KCNH1: variants seen among roughly 807,000 people sequenced by gnomAD.
KCNH1 encodes potassium voltage-gated channel subfamily H member 1.
KCNH1 carries 27 observed loss-of-function variants against 69.2 expected under a neutral mutation model. The ratio of observed to expected loss-of-function variants is 0.39; its 90% confidence interval spans 0.29 to 0.54. The LOEUF (loss-of-function observed/expected upper bound fraction) is 0.54. KCNH1 is among the 20% of genes least tolerant of loss of function. The probability of loss-of-function intolerance (pLI) is 0.68; values close to 1 mark genes in which losing one functional copy is unlikely to be tolerated. For synonymous variants in KCNH1, 456 were observed against 487.7 expected, an observed-to-expected ratio of 0.93 and a Z score of 0.86; for missense variants, 798 against 1,261.6, an observed-to-expected ratio of 0.63 and a Z score of 5.57.
intron 3 of KCNH1, among the ~76,000 whole-genome samples, chr1:211,093,017 T>C (rs896122567): frequency 1.3e-5 from 2 of 151,988 alleles, no homozygotes; most frequent in African/African-American, 4.8e-5. Context: ...ACTAATTTGA[T>C]CAATTAGTAA....
chr1:211,102,465 G>A (rs1691275256), intron 3 of KCNH1, among the ~76,000 whole-genome samples: 1 of 152,162 alleles, frequency 6.6e-6, no homozygotes, highest in Non-Finnish European at 1.5e-5. Context: ...TGCTGGCAGA[G>A]GGAGTGAACT....
chr1:210,949,845 T>G (rs1688030114), intron 6 of KCNH1, among the ~76,000 whole-genome samples: 1 of 152,142 alleles, frequency 6.6e-6, no homozygotes, highest in Admixed American at 6.6e-5. Flanking sequence ...TTCCAGGCCT[T>G]GGCAACAACA....
At position 210,919,157 on chromosome 1, in the gene KCNH1, G is replaced by T. The variant is rs1179221364; in HGVS notation, c.1462+483C>A. The T allele has an allele frequency of 6.5e-6, 1 of 154,234 alleles. No individual in the cohort carries two copies. The highest frequency in any genetic ancestry group is 1.4e-5 in the Non-Finnish European group (1 of 69,344). 9.6% of individuals were successfully genotyped at this position (154,234 alleles called of 1,614,324 possible). A position where few individuals can be genotyped will look rare whatever the true frequency, so the allele number is the denominator to read the frequency against. ...TGTAAAGGAATGGATATGTTAATTTGCTTTGCTGTCATAATCATTTCACTA... is the reference window on the plus strand; with the variant it reads ...TGTAAAGGAATGGATATGTTAATTTTCTTTGCTGTCATAATCATTTCACTA... On this transcript the variant is annotated intron_variant, in intron 7 of 10. Coordinates refer to ENST00000271751, the MANE Select transcript of KCNH1 (RefSeq NM_172362.3). This position sits in a 1 kb window ranked among gnomAD's most constrained non-coding sequence, Gnocchi z 4.2.
At chr1:210,971,668 G>A (rs1210633490) in intron 6 of KCNH1, among the ~76,000 whole-genome samples, 2 of 150,904 alleles carry the variant, frequency 1.3e-5, no homozygotes, top group Non-Finnish European at 2.9e-5. Context: ...TGAAATCAGC[G>A]ATGGAAAAGG....
In KCNH1 at chr1:210,679,087, G is replaced by A. The variant is rs1230524793; in HGVS notation, c.*4194C>T. On this transcript the variant is annotated 3_prime_UTR_variant, in exon 11 of 11. Transcript: ENST00000271751. Reference sequence around the variant, plus strand: ...AAACTTCTCAACATGAACACCTTTGGTGAGAAAATGTTTTTTTCTCTGATG... The same window carrying A: ...AAACTTCTCAACATGAACACCTTTGATGAGAAAATGTTTTTTTCTCTGATG... The A allele has an allele frequency of 1.3e-5, 2 of 152,234 alleles. No individual in the cohort carries two copies. Among genetic ancestry groups the A allele is most frequent in the African/African-American group, 4.8e-5 (2 of 41,456 alleles). 9.4% of individuals were successfully genotyped at this position (152,234 alleles called of 1,614,324 possible).
At chr1:210,951,067 C>T (rs1312674089) in intron 6 of KCNH1, among the ~76,000 whole-genome samples, 1 of 152,154 alleles carries the variant, frequency 6.6e-6, no homozygotes, top group African/African-American at 2.4e-5. Flanking sequence ...AATTAAAAGT[C>T]GGAGAGAAGG....
chr1:211,014,465 G>A (rs1452594036), intron 6 of KCNH1, among the ~76,000 whole-genome samples: 1 of 152,218 alleles, frequency 6.6e-6, no homozygotes, highest in African/African-American at 2.4e-5. Context: ...ATCTACATAA[G>A]TGAAACAAGT....
chr1:210,970,358 T>C lies in KCNH1; in HGVS notation c.1032+48425A>G, dbSNP rs564553335. 1.3e-4 allele frequency among the ~76,000 whole-genome samples: 20 copies of C among 151,064 alleles called. No homozygotes were observed. In the South Asian group the frequency reaches 4.3e-3, roughly 32 times the overall value. Reference sequence around the variant, plus strand: ...CAACTCCCACTTATGAGTGAGAACATGTGGTGTTTGTTTCCTGTTCGTGTT... The same window carrying C: ...CAACTCCCACTTATGAGTGAGAACACGTGGTGTTTGTTTCCTGTTCGTGTT... On this transcript the variant is annotated intron_variant, in intron 6 of 10. Coordinates refer to ENST00000271751, the MANE Select transcript of KCNH1 (RefSeq NM_172362.3).
At chr1:210,841,053 C>A (rs1452925460) in intron 7 of KCNH1, among the ~76,000 whole-genome samples, 1 of 152,106 alleles carries the variant, frequency 6.6e-6, no homozygotes, top group Non-Finnish European at 1.5e-5. Context: ...CTGCAAAAAC[C>A]TGTTCCTCAT....
rs1476974345 is a variant in KCNH1, at chr1:210,919,751, T to G, written c.1351A>C (p.Ile451Leu). 1 of 1,614,034 alleles carries G rather than the reference T, an allele frequency of 6.2e-7. No individual in the cohort carries two copies. The highest frequency in any genetic ancestry group is 8.5e-7 in the Non-Finnish European group (1 of 1,180,024). The change falls in exon 7 of 11, where the codon ATC (isoleucine) becomes CTC (leucine). Residue 451 changes from isoleucine to leucine, a missense_variant. By Grantham distance (5) the Ile-to-Leu change is conservative (BLOSUM62 2). Coordinates refer to ENST00000271751, the MANE Select transcript of KCNH1 (RefSeq NM_172362.3). This position sits in a 1 kb window ranked among gnomAD's most constrained non-coding sequence, Gnocchi z 4.2. ...GTCATTGTGAAATACAACGAGGAGA[T>G]GTAGACAGAATTCTTGCTGGGACCA... is the stretch of plus-strand genomic sequence containing the variant. ...EGGPSKNSVY[I>L]SSLYFTMTSL...
intron 7 of KCNH1, among the ~76,000 whole-genome samples, chr1:210,805,512 T>A (rs921916577): frequency 5.9e-5 from 9 of 151,982 alleles, no homozygotes; most frequent in Admixed American, 5.2e-4. Flanking sequence ...ATCTCTCTTC[T>A]GGCAACACAG....
chr1:211,026,694 A>G (rs1182330782), intron 5 of KCNH1, among the ~76,000 whole-genome samples: 1 of 152,216 alleles, frequency 6.6e-6, no homozygotes. Context: ...CTCCACCAAC[A>G]GTAATGAGGT....
chr1:210,858,366 A>G (rs964637948), intron 7 of KCNH1: 1 of 152,248 alleles, frequency 6.6e-6, no homozygotes, highest in Non-Finnish European at 1.5e-5. Context: ...CCATTTTTAC[A>G]TACTGAATTC....
At chr1:210,885,096 G>A (rs1457731455) in intron 7 of KCNH1, among the ~76,000 whole-genome samples, 1 of 152,232 alleles carries the variant, frequency 6.6e-6, no homozygotes, top group African/African-American at 2.4e-5. Context: ...AATAGAATCT[G>A]ACCATAAACC....
intron 7 of KCNH1, among the ~76,000 whole-genome samples, chr1:210,898,180 T>C (rs1394760079): frequency 6.6e-6 from 1 of 152,204 alleles, no homozygotes; most frequent in East Asian, 1.9e-4. Context: ...GGTATCTCTG[T>C]CGTTTGTGGA....
intron 5 of KCNH1, among the ~76,000 whole-genome samples, chr1:211,046,727 AC>A (rs953733096): frequency 1.3e-5 from 2 of 152,194 alleles, no homozygotes; most frequent in African/African-American, 4.8e-5. Context: ...CATACAAAAT[AC>A]AATTTCATCC....
chr1:210,830,062 A>C (rs1267930335), intron 7 of KCNH1, among the ~76,000 whole-genome samples: 1 of 152,146 alleles, frequency 6.6e-6, no homozygotes, highest in African/African-American at 2.4e-5. Context: ...CTACCACCTC[A>C]AGAGTGCTTA....
chr1:210,736,647 A>C (rs927276146), intron 10 of KCNH1, among the ~76,000 whole-genome samples: 1 of 152,202 alleles, frequency 6.6e-6, no homozygotes, highest in African/African-American at 2.4e-5. Flanking sequence ...GATACAGAGA[A>C]AAAAAACACA....
At chr1:211,013,480 T>C (rs1158759171) in intron 6 of KCNH1, among the ~76,000 whole-genome samples, 2 of 152,268 alleles carry the variant, frequency 1.3e-5, no homozygotes, top group Admixed American at 6.5e-5. Flanking sequence ...GCAGGAGCCA[T>C]GCCAGGGAAT....
Sources: gnomAD v4.1 joint callset for allele counts (sites outside exome capture counted in the v4.1 genomes callset) on GRCh38, gnomAD v4.1.1 for gene constraint, Gnocchi (gnomAD v3.1) non-coding constraint, MANE v1.5 for transcripts, NCBI Gene and HGNC (gene_info 2026-07-23, HGNC 2026-07-21) for gene names.